SREK1IP1: variants seen among roughly 807,000 people sequenced by gnomAD.
SREK1IP1 encodes the protein protein SREK1IP1.
A neutral mutation model predicts 22.8 loss-of-function variants in SREK1IP1; 12 were observed. That is an observed-to-expected ratio of 0.53 (90% CI 0.34 to 0.85). The LOEUF (loss-of-function observed/expected upper bound fraction) is 0.85. Ranked by LOEUF, SREK1IP1 falls within the 40% of genes least tolerant of loss-of-function variation. SREK1IP1 has a pLI of 0.02. For synonymous variants in SREK1IP1, 53 were observed against 52.7 expected, an observed-to-expected ratio of 1.01 and a Z score of -0.02; for missense variants, 147 against 171.8, an observed-to-expected ratio of 0.86 and a Z score of 0.81.
chr5:64,757,202 G>C (rs1190849701), intron 1 of SREK1IP1, among the ~76,000 whole-genome samples: 1 of 152,192 alleles, frequency 6.6e-6, no homozygotes, highest in African/African-American at 2.4e-5. Flanking sequence ...TTTGGGGCCA[G>C]CCTGGGCAAC....
At position 64,724,521 on chromosome 5, in the gene SREK1IP1, T is replaced by C. The variant is rs1490130647; in HGVS notation, c.331A>G (p.Lys111Glu). The C allele has an allele frequency of 1.3e-6, 2 of 1,589,946 alleles. No individual in the cohort carries two copies. Among genetic ancestry groups the C allele is most frequent in the Admixed American group, 1.9e-5 (1 of 53,944 alleles). Residue 111 changes from lysine (K) to glutamate (E), a missense_variant, in exon 5 of 5, where the codon AAA (lysine) becomes GAA (glutamate). Around this residue, in one of 3 missense-constraint regions of SREK1IP1, gnomAD observed 82 missense variants for 81.7 expected, o/e 1.00. Coordinates refer to ENST00000513458, the MANE Select transcript of SREK1IP1 (RefSeq NM_173829.4). Reference protein sequence around the residue: ...EEDTSKQKKQKYQKKEKKKEK... With the variant: ...EEDTSKQKKQEYQKKEKKKEK... Reference sequence around the variant, plus strand: ...TTTTTCTTTTCTTTCTTCTGATATTTTTGTTTCTTTTGTTTTGAAGTGTCC... The same window carrying C: ...TTTTTCTTTTCTTTCTTCTGATATTCTTGTTTCTTTTGTTTTGAAGTGTCC...
At chr5:64,767,935 T>C (rs943157919) in intron 1 of SREK1IP1, among the ~76,000 whole-genome samples, 5 of 152,184 alleles carry the variant, frequency 3.3e-5, no homozygotes, top group African/African-American at 7.2e-5. Context: ...CTTCTGGACA[T>C]AGAATTTGAG....
At chr5:64,745,586 C>CA (rs113120840) in intron 2 of SREK1IP1, among the ~76,000 whole-genome samples, 6,670 of 125,164 alleles carry the variant, frequency 0.053, 381 homozygotes, top group African/African-American at 0.16. Context: ...AAAACTGCCT[C>CA]AAAAAAAAAA....
Position 64,768,580 on chromosome 5 carries a change from C to A in SREK1IP1, c.-63G>T. ...CGAAAAGGCGCTTGCTTCCCGCCAG[C>A]TGTGAGAACAAGGCACAGTCAAAGC... is the stretch of plus-strand genomic sequence containing the variant. On this transcript the variant is annotated 5_prime_UTR_variant, in exon 1 of 5. Coordinates refer to ENST00000513458, the MANE Select transcript of SREK1IP1 (RefSeq NM_173829.4). 1 of 1,612,916 alleles carries A rather than the reference C, an allele frequency of 6.2e-7. No homozygotes were observed. Among genetic ancestry groups the A allele is most frequent in the Non-Finnish European group, 8.5e-7 (1 of 1,179,256 alleles).
chr5:64,751,245 C>T (rs6883254), intron 2 of SREK1IP1, among the ~76,000 whole-genome samples: 9,582 of 152,202 alleles, frequency 0.063, 977 homozygotes, highest in African/African-American at 0.22. Flanking sequence ...CATATTTTCC[C>T]GGTCACTTTT....
At position 64,768,608 on chromosome 5, in the gene SREK1IP1, C is replaced by T. The variant is rs1743113443; in HGVS notation, c.-91G>A. On this transcript the variant is annotated 5_prime_UTR_variant, in exon 1 of 5. Transcript: ENST00000513458. ...TGAGAACAAGGCACAGTCAAAGCGG[C>T]GTTTTCCTTCCCCCAGCGCAGCAGC... 1 of 1,590,812 alleles carries T rather than the reference C, an allele frequency of 6.3e-7. No homozygotes were observed. The highest frequency in any genetic ancestry group is 8.6e-7 in the Non-Finnish European group (1 of 1,161,806).
chr5:64,755,370 T>C (rs1259909879), intron 1 of SREK1IP1, among the ~76,000 whole-genome samples: 1 of 152,196 alleles, frequency 6.6e-6, no homozygotes, highest in Admixed American at 6.5e-5. Flanking sequence ...TGGAATACTA[T>C]GAAGCCATAA....
Position 64,736,362 on chromosome 5 carries a change from C to T in SREK1IP1, c.205+4695G>A, listed in dbSNP as rs76620989. Among the ~76,000 whole-genome samples, 1,201 of 152,190 alleles carry T rather than the reference C, an allele frequency of 7.9e-3. 19 individuals carry two copies. Among genetic ancestry groups the T allele is most frequent in the African/African-American group, 0.027 (1,131 of 41,528 alleles). Reference sequence around the variant, plus strand: ...TAGTTAATGAGAAAGGTGTTGAGATCGCTGGCTATAATTGCAAATTTGTCT... The same window carrying T: ...TAGTTAATGAGAAAGGTGTTGAGATTGCTGGCTATAATTGCAAATTTGTCT... On this transcript the variant is annotated intron_variant, in intron 3 of 4. Transcript: ENST00000513458.
intron 2 of SREK1IP1, among the ~76,000 whole-genome samples, chr5:64,753,210 C>T (rs1742779125): frequency 6.6e-6 from 1 of 152,112 alleles, no homozygotes; most frequent in Non-Finnish European, 1.5e-5. Context: ...CTGGGAAATC[C>T]ATTCCAGATT....
intron 2 of SREK1IP1, among the ~76,000 whole-genome samples, chr5:64,742,951 CTT>C (rs1257005063): frequency 1.3e-5 from 2 of 152,144 alleles, no homozygotes; most frequent in Admixed American, 1.3e-4. Flanking sequence ...CAGAAGCACT[CTT>C]TTTAGCTTCC....
intron 1 of SREK1IP1, among the ~76,000 whole-genome samples, chr5:64,759,418 T>C (rs912243923): frequency 6.6e-6 from 1 of 152,180 alleles, no homozygotes; most frequent in Non-Finnish European, 1.5e-5. Context: ...TTTTTGAAGT[T>C]TGCTAAGGCT....
intron 1 of SREK1IP1, among the ~76,000 whole-genome samples, chr5:64,767,522 A>C (rs1247524240): frequency 1.3e-5 from 2 of 152,232 alleles, no homozygotes; most frequent in Admixed American, 1.3e-4. Flanking sequence ...ACAAAAGCAC[A>C]GTGTTCCAAT....
rs73759385 is a variant in SREK1IP1, at chr5:64,721,806, G to C, written c.*2578C>G. On this transcript the variant is annotated 3_prime_UTR_variant, in exon 5 of 5. Transcript: ENST00000513458. ...AATAAATTCAACCTTTACTATTATA[G>C]AATGTTATAATAATTTCTAAAGTGA... The C allele has an allele frequency of 6.6e-6, 1 of 151,988 alleles. No homozygotes were observed. The highest frequency in any genetic ancestry group is 2.4e-5 in the African/African-American group (1 of 41,352). The allele number at this position is 151,988 out of a possible 1,614,324, so 9.4% of individuals were successfully genotyped here. A position where few individuals can be genotyped will look rare whatever the true frequency, so the allele number is the denominator to read the frequency against.
intron 2 of SREK1IP1, among the ~76,000 whole-genome samples, chr5:64,754,021 A>G (rs1464041150): frequency 1.3e-5 from 2 of 152,220 alleles, no homozygotes; most frequent in African/African-American, 2.4e-5. Flanking sequence ...AAGTATGTAT[A>G]TAGTTTTTAA....
At chr5:64,765,295 A>G (rs1246449099) in intron 1 of SREK1IP1, among the ~76,000 whole-genome samples, 1 of 152,228 alleles carries the variant, frequency 6.6e-6, no homozygotes, top group Non-Finnish European at 1.5e-5. Flanking sequence ...ACACGGGTGA[A>G]GCACATGATC....
intron 4 of SREK1IP1, chr5:64,727,530 C>CATATATATATATATATATATATAT (rs370322604): frequency 4.3e-5 from 5 of 117,482 alleles, no homozygotes; most frequent in African/African-American, 2.0e-4. Context: ...CATATAATTA[C>CATATATATATATATATATATATAT]ATATATATAT....
intron 2 of SREK1IP1, among the ~76,000 whole-genome samples, chr5:64,753,217 G>A (rs1024915942): frequency 6.6e-6 from 1 of 152,168 alleles, no homozygotes; most frequent in African/African-American, 2.4e-5. Context: ...ATCCATTCCA[G>A]ATTTTGAAGT....
intron 2 of SREK1IP1, 79 bp downstream of exon 2, chr5:64,754,236 G>C: frequency 7.3e-7 from 1 of 1,369,058 alleles, no homozygotes; most frequent in Non-Finnish European, 1.0e-6. Context: ...CTGAAATCAG[G>C]GTGCTACATT....
At chr5:64,752,190 C>T (rs1299113615) in intron 2 of SREK1IP1, among the ~76,000 whole-genome samples, 2 of 136,040 alleles carry the variant, frequency 1.5e-5, no homozygotes, top group Admixed American at 7.9e-5. Context: ...CTCGCTCCAT[C>T]GCCCAGGCTG....
Sources: allele counts gnomAD v4.1 joint callset (sites outside exome capture counted in the v4.1 genomes callset), GRCh38; gene constraint gnomAD v4.1.1; regional missense constraint gnomAD v4.1.1; transcripts MANE v1.5; gene names NCBI Gene and HGNC (gene_info 2026-07-23, HGNC 2026-07-21).